TCFL5: variants seen among roughly 807,000 people sequenced by gnomAD.
TCFL5 encodes the protein transcription factor like 5, also known as transcription factor-like 5 protein.
TCFL5 carries 9 observed loss-of-function variants against 44.3 expected under a neutral mutation model. That is an observed-to-expected ratio of 0.20 (90% confidence interval 0.12 to 0.35). The LOEUF is 0.35. Among genes scored for constraint, TCFL5 ranks in the 10% least tolerant of loss-of-function variants. The pLI is 1.00. For missense variants in TCFL5, 603 were observed against 613.4 expected, an observed-to-expected ratio of 0.98 and a Z score of 0.18; for synonymous variants, 319 against 271.6, an observed-to-expected ratio of 1.17 and a Z score of -1.72.
Position 62,861,158 on chromosome 20 carries a change from G to A in TCFL5, c.513C>T (p.Pro171=), listed in dbSNP as rs2063997503. 3.0e-6 allele frequency: 3 copies of A among 1,009,752 alleles called. No individual in the cohort carries two copies. Among genetic ancestry groups the A allele is most frequent in the Non-Finnish European group, 3.5e-6 (3 of 848,482 alleles). 62.5% of individuals were successfully genotyped at this position (1,009,752 alleles called of 1,614,324 possible). Residue 171 remains proline (P), a synonymous_variant, in exon 1 of 6, where the codon CCC becomes CCT. Transcript: ENST00000335351. This position sits in a 1 kb window ranked among gnomAD's most constrained non-coding sequence, Gnocchi z 4.0. ...GAGAAAAAAG[P]DGAPEARAKP... ...TGGCCCGGGCCTCGGGCGCGCCGTC[G>A]GGTCCAGCCGCAGCCGCAGCCGCGC...
At chr20:62,846,957 G>C (rs545780610) in intron 5 of TCFL5, among the ~76,000 whole-genome samples, 2 of 152,166 alleles carry the variant, frequency 1.3e-5, no homozygotes, top group African/African-American at 4.8e-5. Context: ...GGCCGAGGTG[G>C]GTGGATCACC....
chr20:62,854,180 T>C (rs1451939789), intron 4 of TCFL5, 23 bp from the exon 5 acceptor site: 1 of 1,611,156 alleles, frequency 6.2e-7, no homozygotes, highest in Non-Finnish European at 8.5e-7. Flanking sequence ...CCCAAAGTCA[T>C]CACCGAGAGA....
chr20:62,854,356 G>A (rs904044693), intron 4 of TCFL5, among the ~76,000 whole-genome samples, 199 bp from the exon 5 acceptor site: 7 of 152,180 alleles, frequency 4.6e-5, no homozygotes, highest in African/African-American at 1.7e-4. Flanking sequence ...GCCTTCCAGA[G>A]GCCAGAGCAT....
intron 1 of TCFL5, 61 bp from the exon 2 acceptor site, chr20:62,860,369 T>C (rs755974033): frequency 6.7e-7 from 1 of 1,492,176 alleles, no homozygotes; most frequent in Non-Finnish European, 9.2e-7. Flanking sequence ...GCATCCACCA[T>C]CCCACTCCCA....
chr20:62,845,374 C>A, intron 5 of TCFL5: 1 of 1,167,812 alleles, frequency 8.6e-7, no homozygotes, highest in African/African-American at 1.6e-5. Context: ...CTGCCCACCT[C>A]AGCTTCCCAA....
chr20:62,860,054 C>A, intron 2 of TCFL5, 71 bp downstream of exon 2: 1 of 1,483,446 alleles, frequency 6.7e-7, no homozygotes, highest in Non-Finnish European at 9.2e-7. Context: ...GTACTTGGGA[C>A]CTAACCAAAA....
intron 4 of TCFL5, among the ~76,000 whole-genome samples, chr20:62,854,944 C>G (rs1053655865): frequency 6.6e-6 from 1 of 152,192 alleles, no homozygotes; most frequent in African/African-American, 2.4e-5. Context: ...CACATCAGCT[C>G]ACTGAACTCT....
At position 62,842,222 on chromosome 20, in the gene TCFL5, TC is replaced by T; in HGVS notation, c.1381-126del. ...CTTTAGAATACGCTGTTTTAAGGTGTCATTCACAAACTTGTGTCTTACCTCA... is the reference window on the plus strand; with the variant it reads ...CTTTAGAATACGCTGTTTTAAGGTGTATTCACAAACTTGTGTCTTACCTCA... On this transcript the variant is annotated intron_variant, in intron 5 of 5. Coordinates refer to ENST00000335351, the MANE Select transcript of TCFL5 (RefSeq NM_006602.4). The surrounding 1 kb of genome is among the most constrained non-coding windows in gnomAD (Gnocchi z 4.3). 1 of 1,254,592 alleles carries T rather than the reference TC, an allele frequency of 8.0e-7. No homozygotes were observed. Among genetic ancestry groups the T allele is most frequent in the Non-Finnish European group, 1.1e-6 (1 of 912,900 alleles). 77.7% of individuals were successfully genotyped at this position (1,254,592 alleles called of 1,614,324 possible).
Position 62,860,108 on chromosome 20 carries a change from C to T in TCFL5, c.831+17G>A. ...TTTAATACAAAAGAGCAAAGCTTCA[C>T]AAATCATGTTCCCTACCTGTGTCTG... On this transcript the variant is annotated intron_variant, in intron 2 of 5. Coordinates refer to ENST00000335351, the MANE Select transcript of TCFL5 (RefSeq NM_006602.4). The T allele has an allele frequency of 1.3e-6, 2 of 1,589,700 alleles. No homozygotes were observed. The highest frequency in any genetic ancestry group is 2.2e-5 in the South Asian group (2 of 89,386).
intron 5 of TCFL5, among the ~76,000 whole-genome samples, chr20:62,853,097 A>G (rs1209971257): frequency 6.7e-6 from 1 of 149,980 alleles, no homozygotes; most frequent in Non-Finnish European, 1.5e-5. Flanking sequence ...TCACCGGTCC[A>G]CAGAAGCATA....
intron 4 of TCFL5, among the ~76,000 whole-genome samples, chr20:62,857,191 G>A (rs148661777): frequency 2.4e-4 from 37 of 152,260 alleles, no homozygotes; most frequent in African/African-American, 7.5e-4. Context: ...GACTGCATGC[G>A]GAGTCCCGGG....
intron 1 of TCFL5, 63 bp downstream of exon 1, chr20:62,860,961 G>A (rs1471069754): frequency 7.3e-6 from 6 of 822,316 alleles, no homozygotes; most frequent in African/African-American, 3.0e-5. Context: ...CCTCCGCCCC[G>A]GCCCCGGCCC....
At chr20:62,859,089 G>A (rs1276524272) in intron 3 of TCFL5, among the ~76,000 whole-genome samples, 2 of 152,148 alleles carry the variant, frequency 1.3e-5, no homozygotes, top group East Asian at 3.8e-4. Flanking sequence ...GAAAATAACT[G>A]AAAATTTATG....
At chr20:62,852,483 CT>C in intron 5 of TCFL5, 1 of 985,486 alleles carries the variant, frequency 1.0e-6, no homozygotes, top group Non-Finnish European at 1.2e-6. Flanking sequence ...GACTGAACTC[CT>C]GCATTCAAAT....
rs554278281 is a variant in TCFL5 at position 62,859,628 on chromosome 20, C to T, written c.832-102G>A. The T allele has an allele frequency of 1.6e-5, 18 of 1,091,272 alleles. No homozygotes were observed. In the East Asian group the frequency reaches 3.2e-4, roughly 20 times the overall value. The allele number at this position is 1,091,272 out of a possible 1,614,324, so 67.6% of individuals were successfully genotyped here. A position where few individuals can be genotyped will look rare whatever the true frequency, so the allele number is the denominator to read the frequency against. ...TTAACAAACATCAAAACTACTAACA[C>T]GTAATTTGAAGAACTTTAGTTGCAC... On this transcript the variant is annotated intron_variant, in intron 2 of 5. Coordinates refer to ENST00000335351, the MANE Select transcript of TCFL5 (RefSeq NM_006602.4).
At chr20:62,845,608 C>G in intron 5 of TCFL5, 1 of 1,582,334 alleles carries the variant, frequency 6.3e-7, no homozygotes, top group Non-Finnish European at 8.6e-7. Flanking sequence ...AAGTTAGACC[C>G]TCGGAGCTGG....
intron 4 of TCFL5, among the ~76,000 whole-genome samples, chr20:62,855,218 G>A (rs2063869226): frequency 6.6e-6 from 1 of 152,116 alleles, no homozygotes; most frequent in African/African-American, 2.4e-5. Flanking sequence ...GGAGTGCAGT[G>A]GCATGATCAC....
chr20:62,845,934 C>T (rs1303973389), intron 5 of TCFL5: 3 of 1,485,654 alleles, frequency 2.0e-6, no homozygotes, highest in Non-Finnish European at 2.7e-6. Flanking sequence ...GGAATCCGAA[C>T]CCTGAACAGC....
chr20:62,852,519 C>T (rs1226911049), intron 5 of TCFL5: 5 of 985,498 alleles, frequency 5.1e-6, no homozygotes, highest in South Asian at 4.7e-5. Flanking sequence ...CAGCCAACCA[C>T]GATGGCTTGC....
Sources: allele counts gnomAD v4.1 joint callset (sites outside exome capture counted in the v4.1 genomes callset), GRCh38; gene constraint gnomAD v4.1.1; non-coding constraint Gnocchi (gnomAD v3.1); transcripts MANE v1.5; gene names NCBI Gene and HGNC (gene_info 2026-07-23, HGNC 2026-07-21).